The following FAM180A variants were observed in gnomAD, a reference collection of about 807,000 sequenced individuals.
FAM180A encodes the protein protein FAM180A.
In FAM180A, 14 loss-of-function variants were observed where a neutral mutation model predicts 15.3. The ratio of observed to expected loss-of-function variants is 0.92; its 90% CI spans 0.61 to 1.43. The LOEUF is 1.43. FAM180A is among the 40% of genes most tolerant of loss of function. The pLI, the probability that FAM180A is intolerant of heterozygous loss-of-function variation, is 0.00. For missense variants in FAM180A, 200 were observed against 220.8 expected, an observed-to-expected ratio of 0.91 and a Z score of 0.60; for synonymous variants, 90 against 96.8, an observed-to-expected ratio of 0.93 and a Z score of 0.41.
intron 2 of FAM180A, 106 bp downstream of exon 2, chr7:135,736,993 C>A: frequency 1.2e-6 from 1 of 828,068 alleles, no homozygotes; most frequent in South Asian, 1.5e-5. Context: ...CAGCAGGGGT[C>A]ACTCATGGTC....
chr7:135,745,189 C>T (rs1797013730), intron 1 of FAM180A, among the ~76,000 whole-genome samples: 1 of 152,170 alleles, frequency 6.6e-6, no homozygotes, highest in Non-Finnish European at 1.5e-5. Flanking sequence ...GACCACAGGC[C>T]TTTCCCTCAT....
intron 1 of FAM180A, among the ~76,000 whole-genome samples, chr7:135,744,341 C>T (rs1228177909): frequency 6.6e-6 from 1 of 152,192 alleles, no homozygotes; most frequent in East Asian, 1.9e-4. Context: ...AGCTGCAGAC[C>T]ATCTCAAGCC....
rs917040940 is a variant in FAM180A at position 135,748,780 on chromosome 7, C to G, written c.-200G>C. ...CTGGGTGGGACAGGAGTCGGTACCT[C>G]TCTTCATTTGACGCTCTCTGGGATT... On this transcript the variant is annotated 5_prime_UTR_variant, in exon 1 of 4. Transcript: ENST00000338588. The G allele has an allele frequency of 7.0e-6, 4 of 575,176 alleles. No homozygotes were observed. Among genetic ancestry groups the G allele is most frequent in the Admixed American group, 6.1e-5 (2 of 32,638 alleles). 35.6% of individuals were successfully genotyped at this position (575,176 alleles called of 1,614,324 possible). A position where few individuals can be genotyped will look rare whatever the true frequency, so the allele number is the denominator to read the frequency against.
intron 1 of FAM180A, among the ~76,000 whole-genome samples, chr7:135,740,669 C>G (rs1796932576): frequency 6.6e-6 from 1 of 152,140 alleles, no homozygotes; most frequent in Admixed American, 6.5e-5. Context: ...TGGGGCCTTA[C>G]AAGGTCATCT....
intron 2 of FAM180A, 126 bp from the exon 3 acceptor site, chr7:135,734,445 C>CAA: frequency 1.2e-6 from 1 of 852,980 alleles, no homozygotes; most frequent in Non-Finnish European, 1.8e-6. Context: ...AAGAGAGTTC[C>CAA]AGTTCTGACT....
At chr7:135,747,309 G>T (rs1372937578) in intron 1 of FAM180A, among the ~76,000 whole-genome samples, 1 of 151,862 alleles carries the variant, frequency 6.6e-6, no homozygotes, top group Non-Finnish European at 1.5e-5. Context: ...ATTAAAAAAA[G>T]AAAAGGGAGG....
intron 1 of FAM180A, among the ~76,000 whole-genome samples, chr7:135,740,110 G>A (rs1796924770): frequency 1.3e-5 from 2 of 152,118 alleles, no homozygotes; most frequent in African/African-American, 4.8e-5. Flanking sequence ...TAGATTTTAG[G>A]GCTTGAGGAA....
intron 2 of FAM180A, among the ~76,000 whole-genome samples, chr7:135,735,286 T>C (rs1467658784): frequency 1.3e-5 from 2 of 152,228 alleles, no homozygotes; most frequent in African/African-American, 2.4e-5. Context: ...ATATATTTAT[T>C]TGGGTATAGC....
intron 1 of FAM180A, among the ~76,000 whole-genome samples, chr7:135,746,335 GTGCTT>G (rs1385939920): frequency 6.6e-6 from 1 of 152,102 alleles, no homozygotes; most frequent in Non-Finnish European, 1.5e-5. Context: ...TATTTATATT[GTGCTT>G]TGTCATTTAC....
Position 135,729,679 on chromosome 7 carries a change from A to G in FAM180A, c.*932T>C, listed in dbSNP as rs1456345855. On this transcript the variant is annotated 3_prime_UTR_variant, in exon 4 of 4. Transcript: ENST00000338588. ...AAATAGGTACAGCAAGTGTACAATA[A>G]GACCAGTAGTTCTCCTTCAGAACTC... 4.1e-6 allele frequency: 4 copies of G among 983,944 alleles called. No individual in the cohort carries two copies. Among genetic ancestry groups the G allele is most frequent in the Non-Finnish European group, 4.8e-6 (4 of 828,608 alleles). 61.0% of individuals were successfully genotyped at this position (983,944 alleles called of 1,614,324 possible).
At position 135,733,760 on chromosome 7, in the gene FAM180A, C is replaced by T. The variant is rs1563178179; in HGVS notation, c.*215G>A. ...GGCGTCTTGAATGACCATTCCAGCC[C>T]TTTCTTCCAGCCCAGGTCACATGAT... On this transcript the variant is annotated 3_prime_UTR_variant, in exon 3 of 4. Transcript: ENST00000338588. 22 of 1,366,720 alleles carry T rather than the reference C, an allele frequency of 1.6e-5. No homozygotes were observed. The highest frequency in any genetic ancestry group is 1.6e-5 in the Non-Finnish European group (17 of 1,065,428). 84.7% of individuals were successfully genotyped at this position (1,366,720 alleles called of 1,614,324 possible).
chr7:135,748,648 C>T lies in FAM180A; in HGVS notation c.-68G>A, dbSNP rs1446153766. 18 of 1,225,270 alleles carry T rather than the reference C, an allele frequency of 1.5e-5. No individual in the cohort carries two copies. Among genetic ancestry groups the T allele is most frequent in the Middle Eastern group, 3.8e-4 (2 of 5,304 alleles). The allele number at this position is 1,225,270 out of a possible 1,614,324, so 75.9% of individuals were successfully genotyped here. A position where few individuals can be genotyped will look rare whatever the true frequency, so the allele number is the denominator to read the frequency against. On this transcript the variant is annotated 5_prime_UTR_variant, in exon 1 of 4. Transcript: ENST00000338588. ...GAACCCCAGTAGCTGCAGGTATGCC[C>T]GTGCCGTTCTTCCCAGTGAGATGAT... is the stretch of plus-strand genomic sequence containing the variant.
chr7:135,734,378 G>T (rs1342451751), intron 2 of FAM180A, 59 bp from the exon 3 acceptor site: 5 of 1,488,840 alleles, frequency 3.4e-6, no homozygotes, highest in Non-Finnish European at 4.5e-6. Context: ...GGACACAGTT[G>T]TTCATTATCA....
In FAM180A at chr7:135,734,272, G is replaced by A. The variant is rs777145758; in HGVS notation, c.225C>T (p.Ile75=). The A allele has an allele frequency of 4.3e-6, 7 of 1,613,588 alleles. No individual in the cohort carries two copies. Among genetic ancestry groups the A allele is most frequent in the Non-Finnish European group, 5.9e-6 (7 of 1,179,718 alleles). ...LEISPDLQIS[I]KDEELASLRK... is the part of the protein sequence containing the mutation. The stretch of plus-strand genomic sequence containing the variant: ...GCAAGGAGGCCAGCTCCTCGTCCTT[G>A]ATGGAGATCTGCAGGTCAGGGCTGA... The change falls in exon 3 of 4, where the codon ATC becomes ATT. Residue 75 remains isoleucine, a synonymous_variant. Transcript: ENST00000338588.
intron 1 of FAM180A, among the ~76,000 whole-genome samples, chr7:135,739,338 C>T (rs527921273): frequency 2.1e-5 from 3 of 145,666 alleles, no homozygotes; most frequent in South Asian, 2.2e-4. Flanking sequence ...ATGCTGGGCG[C>T]GGTGGCTCAC....
In FAM180A at chr7:135,732,980, CTT is replaced by C. The variant is rs1223286683; in HGVS notation, c.*329+664_*329+665del. ...ATGCCACCTTGTTCGTTGGGAGACT[CTT>C]TGTGCATTAGCTTGGTTTTTCTATT... On this transcript the variant is annotated intron_variant, in intron 3 of 3. Transcript: ENST00000338588. Among the ~76,000 whole-genome samples the C allele has an allele frequency of 2.0e-5, 3 of 152,276 alleles. No homozygotes were observed. In the South Asian group the frequency reaches 6.2e-4, roughly 32 times the overall value.
In FAM180A at chr7:135,747,729, C is replaced by T. The variant is rs551885936; in HGVS notation, c.76+776G>A. 7.9e-4 allele frequency among the ~76,000 whole-genome samples: 121 copies of T among 152,268 alleles called. No homozygotes were observed. In the Middle Eastern group the frequency reaches 0.02, roughly 26 times the overall value. On this transcript the variant is annotated intron_variant, in intron 1 of 3. Coordinates refer to ENST00000338588, the MANE Select transcript of FAM180A (RefSeq NM_205855.4). ...TTTCTAGGAGAGTGAACTCAGTTGA[C>T]TTTAGGCAGTGGAAAGATTTCCGTT...
intron 1 of FAM180A, among the ~76,000 whole-genome samples, chr7:135,745,460 G>A (rs1010759158): frequency 1.3e-5 from 2 of 151,914 alleles, no homozygotes; most frequent in African/African-American, 2.4e-5. Flanking sequence ...GTGCTGGGAC[G>A]TGGGCCACCT....
intron 1 of FAM180A, 117 bp from the exon 2 acceptor site, chr7:135,737,316 G>T: frequency 1.3e-6 from 1 of 760,160 alleles, no homozygotes; most frequent in Non-Finnish European, 2.0e-6. Context: ...GCCAGGCACG[G>T]TGGCTCATGC....
Sources: allele counts gnomAD v4.1 joint callset (sites outside exome capture counted in the v4.1 genomes callset), GRCh38; gene constraint gnomAD v4.1.1; transcripts MANE v1.5; gene names NCBI Gene and HGNC (gene_info 2026-07-23, HGNC 2026-07-21).